Variants in PDE1A observed in about 807,000 individuals in gnomAD.
The protein encoded by PDE1A is dual specificity calcium/calmodulin-dependent 3',5'-cyclic nucleotide phosphodiesterase 1A.
PDE1A carries 35 observed loss-of-function variants against 61.7 expected under a neutral mutation model. The ratio of observed to expected loss-of-function variants is 0.57; its 90% CI spans 0.43 to 0.75. The LOEUF (loss-of-function observed/expected upper bound fraction) is 0.75. Ranked by LOEUF, PDE1A falls within the 30% of genes least tolerant of loss-of-function variation. The pLI, the probability that PDE1A is intolerant of heterozygous loss-of-function variation, is 0.00. For missense variants in PDE1A, 597 were observed against 630.6 expected (o/e 0.95, Z 0.57); for synonymous variants, 232 against 213.2 (o/e 1.09, Z -0.77).
intron 2 of PDE1A, among the ~76,000 whole-genome samples, chr2:182,482,510 CA>C (rs1051104684): frequency 2.1e-5 from 3 of 145,186 alleles, no homozygotes; most frequent in Admixed American, 6.9e-5. Context: ...ACAGTCTCCA[CA>C]AAAAAAAAAT....
At chr2:182,422,481 A>C (rs1165305529) in intron 1 of PDE1A, among the ~76,000 whole-genome samples, 4 of 152,328 alleles carry the variant, frequency 2.6e-5, no homozygotes, top group Non-Finnish European at 5.9e-5. Context: ...AGTGAAATTC[A>C]GAAAAATACT....
At chr2:182,221,247 C>A (rs1308237386) in intron 7 of PDE1A, among the ~76,000 whole-genome samples, 3 of 151,974 alleles carry the variant, frequency 2.0e-5, no homozygotes, top group Non-Finnish European at 2.9e-5. Context: ...AAGAGGCCAG[C>A]CCACTGGCCT....
chr2:182,275,610 C>T (rs1017142351), intron 1 of PDE1A, among the ~76,000 whole-genome samples: 1 of 152,046 alleles, frequency 6.6e-6, no homozygotes, highest in Non-Finnish European at 1.5e-5. Context: ...TTTAGTTCAT[C>T]TTACTCTTTG....
the PDE1A span, among the ~76,000 whole-genome samples, chr2:182,652,139 T>C: frequency 6.6e-6 from 1 of 152,244 alleles, no homozygotes; most frequent in African/African-American, 2.4e-5. Context: ...AGTTAGGTCA[T>C]CCTTGAATAA....
At chr2:182,502,326 G>GTGTTTGTGTGTGTGTC (rs1689129049) in intron 2 of PDE1A, among the ~76,000 whole-genome samples, 5 of 151,908 alleles carry the variant, frequency 3.3e-5, no homozygotes, top group African/African-American at 9.7e-5. Flanking sequence ...GTGTGTGTGT[G>GTGTTTGTGTGTGTGTC]TGTGTGTTTG....
the PDE1A span, among the ~76,000 whole-genome samples, chr2:182,571,063 G>A: frequency 3.3e-5 from 5 of 152,298 alleles, no homozygotes; most frequent in African/African-American, 1.2e-4. Flanking sequence ...TTCATTTTAA[G>A]TAGATGCTAA....
chr2:182,272,341 A>G (rs1693088549), intron 1 of PDE1A, among the ~76,000 whole-genome samples: 1 of 152,108 alleles, frequency 6.6e-6, no homozygotes, highest in Non-Finnish European at 1.5e-5. Context: ...CTATCTTGAA[A>G]TTCTTGATAA....
chr2:182,655,344 G>A, the PDE1A span, among the ~76,000 whole-genome samples: 4 of 152,126 alleles, frequency 2.6e-5, no homozygotes, highest in Non-Finnish European at 4.4e-5. Context: ...CATTATGATG[G>A]ACTCCAGGTG....
At chr2:182,184,159 G>T (rs1269345579) in intron 13 of PDE1A, among the ~76,000 whole-genome samples, 2 of 151,384 alleles carry the variant, frequency 1.3e-5, no homozygotes, top group Non-Finnish European at 2.9e-5. Flanking sequence ...AGAGAAAGAG[G>T]CAGAAGAAAA....
At chr2:182,507,040 T>A (rs1461368644) in intron 2 of PDE1A, among the ~76,000 whole-genome samples, 1 of 152,174 alleles carries the variant, frequency 6.6e-6, no homozygotes, top group South Asian at 2.1e-4. Context: ...ATAGTGTTGC[T>A]GGTGAAAATA....
chr2:182,614,815 C>T, the PDE1A span, among the ~76,000 whole-genome samples: 1 of 152,198 alleles, frequency 6.6e-6, no homozygotes, highest in African/African-American at 2.4e-5. Context: ...CCTTGGCCTC[C>T]CAAAGTGCTG....
chr2:182,511,264 G>T (rs540852328), intron 2 of PDE1A, among the ~76,000 whole-genome samples: 1 of 151,836 alleles, frequency 6.6e-6, no homozygotes, highest in African/African-American at 2.4e-5. Context: ...CAAAAAGACC[G>T]GCACGCTCCA....
At chr2:182,385,640 G>GAAGAAAGAAAGAAAGAAAGA (rs142307251) in intron 1 of PDE1A, among the ~76,000 whole-genome samples, 2,258 of 70,468 alleles carry the variant, frequency 0.032, 237 homozygotes, top group East Asian at 0.098. Context: ...AAAGAAAGAA[G>GAAGAAAGAAAGAAAGAAAGA]AAGAAAGAAA....
intron 1 of PDE1A, among the ~76,000 whole-genome samples, chr2:182,355,405 T>C (rs1018904686): frequency 6.6e-6 from 1 of 151,964 alleles, no homozygotes; most frequent in South Asian, 2.1e-4. Flanking sequence ...AATTATAATT[T>C]AAAAATTTTA....
chr2:182,202,911 G>A (rs763196717), intron 8 of PDE1A, among the ~76,000 whole-genome samples: 7 of 152,214 alleles, frequency 4.6e-5, no homozygotes, highest in Non-Finnish European at 7.3e-5. Flanking sequence ...ATTGTGTGGT[G>A]TGGCCAGTAG....
intron 2 of PDE1A, among the ~76,000 whole-genome samples, chr2:182,515,099 C>T (rs1282694448): frequency 6.6e-6 from 1 of 152,196 alleles, no homozygotes; most frequent in Non-Finnish European, 1.5e-5. Flanking sequence ...AGCACTTCCT[C>T]TCACCCTAGC....
the PDE1A span, among the ~76,000 whole-genome samples, chr2:182,604,762 A>C: frequency 1.3e-5 from 2 of 152,224 alleles, no homozygotes; most frequent in African/African-American, 4.8e-5. Context: ...CAGCATTCTA[A>C]GAAATTTAAC....
intron 1 of PDE1A, among the ~76,000 whole-genome samples, chr2:182,387,429 AAGAAAGAAAGAG>A (rs1467640223): frequency 7.9e-5 from 12 of 151,754 alleles, no homozygotes; most frequent in African/African-American, 2.7e-4. Flanking sequence ...AAAAAAAAAG[AAGAAAGAAAGAG>A]AGAAAGAAAG....
the PDE1A span, among the ~76,000 whole-genome samples, chr2:182,572,698 G>A: frequency 1.3e-5 from 2 of 151,766 alleles, no homozygotes; most frequent in African/African-American, 2.4e-5. Flanking sequence ...ATGAAACCCC[G>A]TCTCTACTAA....
Sources: allele counts gnomAD v4.1 joint callset (sites outside exome capture counted in the v4.1 genomes callset), GRCh38; gene constraint gnomAD v4.1.1; transcripts MANE v1.5; gene names NCBI Gene and HGNC (gene_info 2026-07-23, HGNC 2026-07-21).